RBFOX1: variants seen among roughly 807,000 people sequenced by gnomAD.
The protein encoded by RBFOX1 is RNA binding protein fox-1 homolog 1.
Under a neutral mutation model 57.7 loss-of-function variants are expected in RBFOX1, and 8 were observed. That is an observed-to-expected ratio of 0.14 (90% CI 0.08 to 0.25). RBFOX1 has a LOEUF of 0.25. Among genes scored for constraint, RBFOX1 ranks in the 10% least tolerant of loss-of-function variants. RBFOX1 has a pLI of 1.00. For synonymous variants in RBFOX1, 326 were observed against 222.4 expected (o/e 1.47, Z -4.15); for missense variants, 611 against 548.5 (o/e 1.11, Z -1.14).
intron 1 of RBFOX1, among the ~76,000 whole-genome samples, chr16:6,024,989 G>T (rs1422348109): frequency 2.6e-5 from 4 of 152,250 alleles, no homozygotes; most frequent in African/African-American, 9.6e-5. Context: ...GGCTGGAATA[G>T]TGACAAAATC....
In RBFOX1 at chr16:7,564,540, C is replaced by CAAAAAA. The variant is rs5815409; in HGVS notation, c.271-15214_271-15209dup. 2.7e-3 allele frequency among the ~76,000 whole-genome samples: 220 copies of CAAAAAA among 82,488 alleles called. 40 individuals are homozygous for CAAAAAA. Among genetic ancestry groups the CAAAAAA allele is most frequent in the African/African-American group, 0.017 (181 of 10,444 alleles). 54.1% of individuals were successfully genotyped at this position (82,488 alleles called of 152,430 possible). A position where few individuals can be genotyped will look rare whatever the true frequency, so the allele number is the denominator to read the frequency against. ...TGGCTGACAGAGCAAGACTCCATCT[C>CAAAAAA]AAAAAAAAAAAAAAAAAAAAAAAAA... is the stretch of plus-strand genomic sequence containing the variant. On this transcript the variant is annotated intron_variant, in intron 5 of 15. Coordinates refer to ENST00000550418, the MANE Select transcript of RBFOX1 (RefSeq NM_018723.4).
In RBFOX1 at chr16:5,841,597, C is replaced by A. The variant is rs116625361; in HGVS notation, c.319-25706C>A. On this transcript the variant is annotated intron_variant, in intron 3 of 19. Transcript: ENST00000641259. Reference sequence around the variant, plus strand: ...AACCATTTGTTTAGCATAAGTATATCTTTTCCAATATCTGGGATATACTTC... The same window carrying A: ...AACCATTTGTTTAGCATAAGTATATATTTTCCAATATCTGGGATATACTTC... Among the ~76,000 whole-genome samples the A allele has an allele frequency of 8.7e-3, 1,331 of 152,284 alleles. 20 individuals carry two copies. The highest frequency in any genetic ancestry group is 0.03 in the African/African-American group (1,267 of 41,554).
chr16:7,067,726 C>A (rs1362889053), intron 4 of RBFOX1, among the ~76,000 whole-genome samples: 35 of 139,470 alleles, frequency 2.5e-4, no homozygotes, highest in African/African-American at 8.7e-4. Context: ...TGATGTTCCC[C>A]TTCCTGTGTC....
At chr16:6,767,103 T>A (rs2077443943) in intron 3 of RBFOX1, among the ~76,000 whole-genome samples, 1 of 152,110 alleles carries the variant, frequency 6.6e-6, no homozygotes, top group Admixed American at 6.6e-5. Context: ...TAATTGCATT[T>A]TTCTTAGGGG....
chr16:7,709,454 TTTTC>T (rs1409777035), intron 15 of RBFOX1: 1 of 1,415,260 alleles, frequency 7.1e-7, no homozygotes. Context: ...GAACTTTTTT[TTTTC>T]TTTTTTTTTC....
intron 3 of RBFOX1, among the ~76,000 whole-genome samples, chr16:5,718,365 G>A (rs1335913092): frequency 6.6e-6 from 1 of 152,192 alleles, no homozygotes; most frequent in East Asian, 1.9e-4. Context: ...ATCTCCACCT[G>A]ACCCACAGAC....
rs1462998536 is a variant in RBFOX1 at position 6,911,410 on chromosome 16, C to T, written c.-15-140647C>T. On this transcript the variant is annotated intron_variant, in intron 3 of 15. Transcript: ENST00000550418. ...GGGAGGAGGAATCTGTTCCATGCCC[C>T]TCCCTGTGGTTGCTGGCAACGCATG... is the stretch of plus-strand genomic sequence containing the variant. Among the ~76,000 whole-genome samples, 8 of 152,136 alleles carry T rather than the reference C, an allele frequency of 5.3e-5. No individual in the cohort carries two copies. The East Asian group carries it at 1.5e-3, about 29-fold the overall frequency.
At chr16:7,479,317 A>G (rs1160575957) in intron 4 of RBFOX1, among the ~76,000 whole-genome samples, 1 of 151,710 alleles carries the variant, frequency 6.6e-6, no homozygotes, top group Non-Finnish European at 1.5e-5. Context: ...TTTTGTAGAG[A>G]TGGGGGTCTC....
At chr16:5,707,100 G>C (rs896436646) in intron 3 of RBFOX1, among the ~76,000 whole-genome samples, 2 of 152,140 alleles carry the variant, frequency 1.3e-5, no homozygotes, top group African/African-American at 4.8e-5. Flanking sequence ...AGCCAGCCAA[G>C]TCAGGATTTG....
At chr16:6,467,236 A>G (rs28629887) in intron 2 of RBFOX1, among the ~76,000 whole-genome samples, 1 of 151,494 alleles carries the variant, frequency 6.6e-6, no homozygotes, top group Non-Finnish European at 1.5e-5. Flanking sequence ...TTTTCTTAAT[A>G]TATTAATTAC....
chr16:6,664,638 G>A (rs780598739), intron 3 of RBFOX1, among the ~76,000 whole-genome samples: 1 of 152,138 alleles, frequency 6.6e-6, no homozygotes, highest in Non-Finnish European at 1.5e-5. Context: ...CTGAGACTGG[G>A]GACCAGGCAA....
At chr16:7,008,230 A>G (rs1229758973) in intron 3 of RBFOX1, among the ~76,000 whole-genome samples, 1 of 152,194 alleles carries the variant, frequency 6.6e-6, no homozygotes, top group Non-Finnish European at 1.5e-5. Flanking sequence ...TTTTGAATGA[A>G]TAGCTTAAAG....
intron 1 of RBFOX1, among the ~76,000 whole-genome samples, chr16:5,336,123 G>T (rs1323323759): frequency 6.6e-6 from 1 of 152,024 alleles, no homozygotes; most frequent in Admixed American, 6.6e-5. Context: ...TGCTTTTTTG[G>T]CTCGGAGTTC....
intron 1 of RBFOX1, among the ~76,000 whole-genome samples, chr16:6,114,300 G>A (rs11860225): frequency 0.039 from 5,956 of 152,130 alleles, 198 homozygotes; most frequent in African/African-American, 0.082. Context: ...ACCATTTTAC[G>A]GTTACAGTCT....
chr16:5,745,564 G>C (rs553382152), intron 3 of RBFOX1, among the ~76,000 whole-genome samples: 2 of 152,332 alleles, frequency 1.3e-5, no homozygotes, highest in East Asian at 3.9e-4. Flanking sequence ...CACCAGCAGT[G>C]TAAAAGTGTT....
intron 3 of RBFOX1, among the ~76,000 whole-genome samples, chr16:6,810,462 T>C (rs1283249558): frequency 6.6e-6 from 1 of 152,118 alleles, no homozygotes; most frequent in African/African-American, 2.4e-5. Context: ...CAAAGGTATC[T>C]AATTTTCCGT....
chr16:6,845,423 T>C (rs2093702659), intron 3 of RBFOX1, among the ~76,000 whole-genome samples: 1 of 152,168 alleles, frequency 6.6e-6, no homozygotes, highest in Non-Finnish European at 1.5e-5. Flanking sequence ...CCAGCACCAT[T>C]TATTAAATAG....
intron 4 of RBFOX1, among the ~76,000 whole-genome samples, chr16:7,073,314 C>G (rs1016300472): frequency 6.6e-6 from 1 of 152,168 alleles, no homozygotes; most frequent in African/African-American, 2.4e-5. Context: ...CAGCCAATCC[C>G]TTCCCTATAT....
At chr16:5,648,668 A>G (rs936243129) in intron 3 of RBFOX1, among the ~76,000 whole-genome samples, 1 of 152,156 alleles carries the variant, frequency 6.6e-6, no homozygotes, top group Admixed American at 6.5e-5. Context: ...AGAAGGAGAA[A>G]AGAAAAAAAT....
Sources: allele counts gnomAD v4.1 joint callset (sites outside exome capture counted in the v4.1 genomes callset), GRCh38; gene constraint gnomAD v4.1.1; transcripts MANE v1.5; gene names NCBI Gene and HGNC (gene_info 2026-07-23, HGNC 2026-07-21).